Variants in DNAH6 observed in about 807,000 individuals in gnomAD.
DNAH6 encodes the protein dynein axonemal heavy chain 6, also known as axonemal beta dynein heavy chain 6.
In DNAH6, 340 loss-of-function variants were observed where a neutral mutation model predicts 491.4. The observed-to-expected ratio is 0.69, with a 90% CI of 0.63 to 0.76. The LOEUF (loss-of-function observed/expected upper bound fraction) is 0.76, where lower values mean the gene tolerates loss of function less well. DNAH6 is among the 30% of genes least tolerant of loss of function. The pLI is 0.00. For synonymous variants in DNAH6, 1,603 were observed against 1,686.1 expected (o/e 0.95, Z 1.21); for missense variants, 4,443 against 4,972.2 (o/e 0.89, Z 3.20).
intron 63 of DNAH6, among the ~76,000 whole-genome samples, chr2:84,754,516 C>T (rs1465074651): frequency 1.3e-5 from 2 of 152,220 alleles, no homozygotes; most frequent in Non-Finnish European, 2.9e-5. Flanking sequence ...TACCAGTTGT[C>T]ACAGCATCAT....
intron 10 of DNAH6, among the ~76,000 whole-genome samples, chr2:84,553,341 TTTCC>T (rs1388220851): frequency 1.3e-3 from 35 of 27,612 alleles, no homozygotes; most frequent in African/African-American, 2.9e-3. Flanking sequence ...GTGAATACCT[TTTCC>T]TTTCTTTTCT....
At chr2:84,467,429 A>G in the DNAH6 span, among the ~76,000 whole-genome samples, 1 of 152,226 alleles carries the variant, frequency 6.6e-6, no homozygotes, top group Non-Finnish European at 1.5e-5. Context: ...GATTTTAATT[A>G]TGTGCCAGGT....
intron 30 of DNAH6, among the ~76,000 whole-genome samples, chr2:84,636,519 T>C (rs149690157): frequency 6.6e-6 from 1 of 152,236 alleles, no homozygotes; most frequent in African/African-American, 2.4e-5. Context: ...AGAGTGAGGC[T>C]CCTTCAGCTG....
At chr2:84,801,037 A>G (rs1364992855) in intron 70 of DNAH6, among the ~76,000 whole-genome samples, 3 of 141,146 alleles carry the variant, frequency 2.1e-5, no homozygotes, top group Non-Finnish European at 4.6e-5. Flanking sequence ...ATAGGTGGGA[A>G]TTGAACAATG....
intron 5 of DNAH6, among the ~76,000 whole-genome samples, chr2:84,545,105 A>C (rs913049434): frequency 2.0e-5 from 3 of 152,174 alleles, no homozygotes; most frequent in Non-Finnish European, 4.4e-5. Flanking sequence ...AACTGCAATC[A>C]TCATTACTGT....
chr2:84,508,059 T>C, the DNAH6 span, among the ~76,000 whole-genome samples: 2 of 152,230 alleles, frequency 1.3e-5, no homozygotes, highest in East Asian at 3.8e-4. Context: ...CAGGCTTTGG[T>C]ATCAGGATGA....
intron 43 of DNAH6, among the ~76,000 whole-genome samples, chr2:84,686,074 G>C (rs1694227794): frequency 6.6e-6 from 1 of 151,894 alleles, no homozygotes; most frequent in African/African-American, 2.4e-5. Context: ...TATAATCTCA[G>C]CTACTCAGGA....
intron 11 of DNAH6, among the ~76,000 whole-genome samples, chr2:84,558,211 AG>A (rs1680257483): frequency 6.6e-6 from 1 of 152,080 alleles, no homozygotes; most frequent in African/African-American, 2.4e-5. Flanking sequence ...GCAGATCACG[AG>A]GTCAGGAGAT....
chr2:84,809,550 C>T (rs1276827828), intron 72 of DNAH6, among the ~76,000 whole-genome samples: 8 of 152,150 alleles, frequency 5.3e-5, no homozygotes, highest in Non-Finnish European at 5.9e-5. Context: ...CAGGTCAGGG[C>T]TTATTTCCTT....
chr2:84,776,846 A>G (rs1419877965), intron 64 of DNAH6, among the ~76,000 whole-genome samples: 1 of 152,230 alleles, frequency 6.6e-6, no homozygotes, highest in African/African-American at 2.4e-5. Context: ...AACCAACCCA[A>G]ATGTCCATCA....
chr2:84,671,274 T>C lies in DNAH6; in HGVS notation c.6454+799T>C, dbSNP rs115344937. Among the ~76,000 whole-genome samples the C allele has an allele frequency of 9.8e-3, 1,487 of 152,224 alleles. 31 individuals carry two copies. Among genetic ancestry groups the C allele is most frequent in the African/African-American group, 0.033 (1,390 of 41,528 alleles). ...TCAGGAGTGGGCTCTTGTAAGCAAC[T>C]CCCAAAAGAGCTGTTTGCAAGCCAG... On this transcript the variant is annotated intron_variant, in intron 39 of 76. Coordinates refer to ENST00000389394, the MANE Select transcript of DNAH6 (RefSeq NM_001370.2).
chr2:84,570,075 G>A (rs1393964931), intron 11 of DNAH6, among the ~76,000 whole-genome samples: 2 of 151,992 alleles, frequency 1.3e-5, no homozygotes, highest in African/African-American at 4.8e-5. Context: ...CAATTGAAAG[G>A]AACTCTCTTT....
chr2:84,743,825 AT>A (rs1672728095), intron 62 of DNAH6, among the ~76,000 whole-genome samples: 1 of 152,244 alleles, frequency 6.6e-6, no homozygotes. Context: ...CTGTCTCCAA[AT>A]GAATAAATAA....
rs377211767 is a variant in DNAH6 at position 84,538,380 on chromosome 2, A to G, written c.663-5853A>G. 8.5e-4 allele frequency among the ~76,000 whole-genome samples: 129 copies of G among 152,274 alleles called. 3 individuals are homozygous for G. The highest frequency in any genetic ancestry group is 3.0e-3 in the African/African-American group (123 of 41,568). ...TGATTTGCAGTAGGAAATTCAGAAT[A>G]ATGTCTGATGCTCCCATCTTTCAAT... On this transcript the variant is annotated intron_variant, in intron 4 of 76. Coordinates refer to ENST00000389394, the MANE Select transcript of DNAH6 (RefSeq NM_001370.2).
the DNAH6 span, among the ~76,000 whole-genome samples, chr2:84,501,494 A>T: frequency 2.6e-5 from 4 of 151,000 alleles, no homozygotes; most frequent in South Asian, 4.2e-4. Context: ...TTCTTTTTTT[A>T]AAATGGGTCT....
At chr2:84,617,125 C>G (rs190650754) in intron 23 of DNAH6, 143 bp downstream of exon 23, 1 of 536,164 alleles carries the variant, frequency 1.9e-6, no homozygotes, top group East Asian at 3.6e-5. Flanking sequence ...AACTAGTTAT[C>G]GTAATTGAGG....
Position 84,653,394 on chromosome 2 carries a change from G to A in DNAH6, c.5154G>A (p.Val1718=). The change falls in exon 34 of 77, where the codon GTG becomes GTA. Residue 1718 remains valine (V), a synonymous_variant. Transcript: ENST00000389394. ...HDYGILQSTI[V]DVMNRQNLQP... The stretch of plus-strand genomic sequence containing the variant: ...ATGGTATTTTACAATCAACAATTGT[G>A]GATGTCATGAATAGACAAAATCTTC... The A allele has an allele frequency of 1.3e-6, 2 of 1,550,844 alleles. No individual in the cohort carries two copies. The highest frequency in any genetic ancestry group is 2.4e-5 in the East Asian group (1 of 40,908).
intron 4 of DNAH6, among the ~76,000 whole-genome samples, chr2:84,538,783 A>T (rs1010584401): frequency 6.6e-6 from 1 of 151,988 alleles, no homozygotes; most frequent in Non-Finnish European, 1.5e-5. Flanking sequence ...CTAAACAACT[A>T]ATTTTGGTCT....
rs1158233936 is a variant in DNAH6, at chr2:84,579,563, A to G, written c.2113A>G (p.Lys705Glu). ...NFMLPRQSKK[K>E]VDAIIFEAQD... ...TATGCTTCCTCGTCAAAGCAAGAAA[A>G]AAGTGGATGCCATTATCTTTGAGGC... Residue 705 changes from lysine (K) to glutamate (E), a missense_variant, in exon 14 of 77, where the codon AAA (lysine) becomes GAA (glutamate). This residue lies in a region of DNAH6 where 2,977 missense variants were observed against 3,296.6 expected (regional missense o/e 0.90). Coordinates refer to ENST00000389394, the MANE Select transcript of DNAH6 (RefSeq NM_001370.2). 5.0e-6 allele frequency: 8 copies of G among 1,613,928 alleles called. No homozygotes were observed. Among genetic ancestry groups the G allele is most frequent in the Non-Finnish European group, 6.8e-6 (8 of 1,179,922 alleles).
Sources: allele counts gnomAD v4.1 joint callset (sites outside exome capture counted in the v4.1 genomes callset), GRCh38; gene constraint gnomAD v4.1.1; regional missense constraint gnomAD v4.1.1; transcripts MANE v1.5; gene names NCBI Gene and HGNC (gene_info 2026-07-23, HGNC 2026-07-21).